The following PXDNL variants were observed in gnomAD, a reference collection of about 807,000 sequenced individuals.
PXDNL encodes the protein probable oxidoreductase PXDNL.
A neutral mutation model predicts 150.8 loss-of-function variants in PXDNL; 145 were observed. The ratio of observed to expected loss-of-function variants is 0.96; its 90% CI spans 0.84 to 1.10. The LOEUF is 1.10. Among genes scored for constraint, PXDNL ranks in the 50% least tolerant of loss-of-function variants. The pLI is 0.00. For missense variants in PXDNL, 2,087 were observed against 1,873.9 expected, an observed-to-expected ratio of 1.11 and a Z score of -2.10; for synonymous variants, 757 against 725.7, an observed-to-expected ratio of 1.04 and a Z score of -0.69.
intron 2 of PXDNL, among the ~76,000 whole-genome samples, chr8:51,598,334 A>G (rs1192950263): frequency 1.3e-5 from 2 of 151,958 alleles, no homozygotes; most frequent in Non-Finnish European, 2.9e-5. Context: ...AATGCTTCCA[A>G]TTTTTGCCTG....
intron 12 of PXDNL, among the ~76,000 whole-genome samples, chr8:51,431,173 T>A (rs553879823): frequency 6.6e-6 from 1 of 152,280 alleles, no homozygotes; most frequent in Admixed American, 6.5e-5. Flanking sequence ...GAGTTGCAAA[T>A]CTCACCCCAT....
At position 51,408,066 on chromosome 8, in the gene PXDNL, C is replaced by T. The variant is rs1808484453; in HGVS notation, c.3557+1G>A. On this transcript the variant is annotated splice_donor_variant, in intron 17 of 22. Transcript: ENST00000356297. LOFTEE classifies it high-confidence loss of function. ...AATCCAGGCAGCATTTGCATACTTACTTTCTCAGTTTTTGTCTAATCTCTG... is the reference window on the plus strand; with the variant it reads ...AATCCAGGCAGCATTTGCATACTTATTTTCTCAGTTTTTGTCTAATCTCTG... 6.3e-7 allele frequency: 1 copy of T among 1,598,016 alleles called. No homozygotes were observed. Among genetic ancestry groups the T allele is most frequent in the African/African-American group, 1.3e-5 (1 of 74,092 alleles).
At chr8:51,642,348 A>G (rs922930810) in intron 2 of PXDNL, among the ~76,000 whole-genome samples, 1 of 152,168 alleles carries the variant, frequency 6.6e-6, no homozygotes, top group Non-Finnish European at 1.5e-5. Context: ...CCTAAAACTT[A>G]AAGTATAATA....
chr8:51,326,059 T>G (rs1307034588), intron 21 of PXDNL, among the ~76,000 whole-genome samples: 1 of 152,124 alleles, frequency 6.6e-6, no homozygotes, highest in African/African-American at 2.4e-5. Context: ...CTGAGCTACG[T>G]GAGGAAAAAC....
At chr8:51,804,668 C>G (rs1032366173) in intron 1 of PXDNL, among the ~76,000 whole-genome samples, 16 of 152,248 alleles carry the variant, frequency 1.1e-4, no homozygotes, top group African/African-American at 3.1e-4. Context: ...GCTACTATTC[C>G]ATAACACATC....
intron 1 of PXDNL, among the ~76,000 whole-genome samples, chr8:51,788,110 C>G (rs1383916245): frequency 6.6e-6 from 1 of 152,218 alleles, no homozygotes; most frequent in African/African-American, 2.4e-5. Flanking sequence ...ATAGTGTAAA[C>G]ATAACTTTTA....
intron 1 of PXDNL, among the ~76,000 whole-genome samples, chr8:51,768,075 T>C (rs893804779): frequency 6.6e-6 from 1 of 152,224 alleles, no homozygotes; most frequent in Non-Finnish European, 1.5e-5. Flanking sequence ...TCAAGAGTAC[T>C]GCGGAGCTGG....
At chr8:51,710,657 C>A (rs1000811615) in intron 1 of PXDNL, among the ~76,000 whole-genome samples, 5 of 152,134 alleles carry the variant, frequency 3.3e-5, no homozygotes, top group African/African-American at 1.2e-4. Flanking sequence ...TGAGTCTGAC[C>A]ATTTTAGATC....
chr8:51,425,245 C>G (rs1809060095), intron 13 of PXDNL, among the ~76,000 whole-genome samples: 1 of 152,194 alleles, frequency 6.6e-6, no homozygotes, highest in African/African-American at 2.4e-5. Flanking sequence ...GCAAAGTATG[C>G]TAACTCATAC....
At chr8:51,578,783 T>C (rs529096116) in intron 3 of PXDNL, among the ~76,000 whole-genome samples, 1 of 152,042 alleles carries the variant, frequency 6.6e-6, no homozygotes, top group East Asian at 1.9e-4. Flanking sequence ...TGTAATAAAA[T>C]AGAGAGCCTA....
At chr8:51,722,710 T>C (rs566789349) in intron 1 of PXDNL, among the ~76,000 whole-genome samples, 7 of 152,300 alleles carry the variant, frequency 4.6e-5, no homozygotes, top group African/African-American at 1.4e-4. Flanking sequence ...ACACTCCTTC[T>C]CTTCTTTATG....
At chr8:51,712,311 G>A (rs774163689) in intron 1 of PXDNL, among the ~76,000 whole-genome samples, 25 of 152,016 alleles carry the variant, frequency 1.6e-4, no homozygotes, top group Non-Finnish European at 2.9e-4. Flanking sequence ...ACTACCTATG[G>A]TACTACTGGG....
chr8:51,608,245 C>T (rs1813908543), intron 2 of PXDNL, among the ~76,000 whole-genome samples: 2 of 147,084 alleles, frequency 1.4e-5, no homozygotes, highest in African/African-American at 5.3e-5. Context: ...AAAAATTAGC[C>T]AGGCGTGGTG....
chr8:51,520,703 T>C (rs1463520521), intron 4 of PXDNL, among the ~76,000 whole-genome samples: 1 of 151,940 alleles, frequency 6.6e-6, no homozygotes, highest in Non-Finnish European at 1.5e-5. Context: ...GCCAACAAAC[T>C]TCACATTGCC....
intron 17 of PXDNL, among the ~76,000 whole-genome samples, chr8:51,401,366 G>A (rs1026286117): frequency 6.6e-6 from 1 of 152,194 alleles, no homozygotes; most frequent in African/African-American, 2.4e-5. Context: ...GCATAAGTAA[G>A]GAGATAGGAG....
intron 2 of PXDNL, among the ~76,000 whole-genome samples, chr8:51,625,178 G>C (rs944304141): frequency 1.3e-5 from 2 of 152,066 alleles, no homozygotes; most frequent in Non-Finnish European, 2.9e-5. Context: ...ATAAGCTCTT[G>C]CATAAGTCAC....
At chr8:51,447,278 GTGTA>G in intron 11 of PXDNL, 116 bp from the exon 12 acceptor site, 1 of 1,015,876 alleles carries the variant, frequency 9.8e-7, no homozygotes, top group Non-Finnish European at 1.4e-6. Context: ...CGGTGCTAGG[GTGTA>G]CTGTGTGCGT....
intron 7 of PXDNL, among the ~76,000 whole-genome samples, chr8:51,473,287 A>ACACACACACACACACG (rs1178733589): frequency 6.6e-6 from 1 of 151,232 alleles, no homozygotes; most frequent in East Asian, 1.9e-4. Flanking sequence ...ACACACACAC[A>ACACACACACACACACG]CACACACACA....
intron 12 of PXDNL, among the ~76,000 whole-genome samples, chr8:51,429,295 T>C (rs963987326): frequency 6.6e-6 from 1 of 152,196 alleles, no homozygotes; most frequent in South Asian, 2.1e-4. Flanking sequence ...AATTTAAACA[T>C]GTGGCCGGGT....
Sources: gnomAD v4.1 joint callset for allele counts (sites outside exome capture counted in the v4.1 genomes callset) on GRCh38, gnomAD v4.1.1 for gene constraint, MANE v1.5 for transcripts, NCBI Gene and HGNC (gene_info 2026-07-23, HGNC 2026-07-21) for gene names.